The following MDGA2 variants were observed in gnomAD, a reference collection of about 807,000 sequenced individuals.
The protein encoded by MDGA2 is MAM domain-containing glycosylphosphatidylinositol anchor protein 2.
Under a neutral mutation model 117.8 loss-of-function variants are expected in MDGA2, and 40 were observed. The observed-to-expected ratio is 0.34, with a 90% CI of 0.26 to 0.44. The LOEUF (loss-of-function observed/expected upper bound fraction) is 0.44, where lower values mean the gene tolerates loss of function less well. MDGA2 is among the 20% of genes least tolerant of loss of function. The pLI is 1.00. For missense variants in MDGA2, 1,123 were observed against 1,250.6 expected (o/e 0.90, Z 1.54); for synonymous variants, 452 against 439.0 (o/e 1.03, Z -0.37).
chr14:46,915,382 C>A (rs1883860390), intron 10 of MDGA2, among the ~76,000 whole-genome samples: 1 of 152,092 alleles, frequency 6.6e-6, no homozygotes, highest in Non-Finnish European at 1.5e-5. Flanking sequence ...AATACCCTGA[C>A]CTCATAATTA....
chr14:47,364,217 A>G (rs1891183550), intron 1 of MDGA2, among the ~76,000 whole-genome samples: 1 of 152,190 alleles, frequency 6.6e-6, no homozygotes, highest in South Asian at 2.1e-4. Context: ...GTATACATGT[A>G]ATGACACAAT....
At chr14:47,369,758 T>A (rs1891305386) in intron 1 of MDGA2, among the ~76,000 whole-genome samples, 2 of 152,158 alleles carry the variant, frequency 1.3e-5, no homozygotes, top group East Asian at 1.9e-4. Context: ...TAATCATTTT[T>A]AAATGATTAA....
Position 47,206,146 on chromosome 14 carries a change from T to A in MDGA2, c.595+11875A>T, listed in dbSNP as rs1885674240. Among the ~76,000 whole-genome samples the A allele has an allele frequency of 1.3e-5, 2 of 152,048 alleles. 1 individual carries two copies. Among genetic ancestry groups the A allele is most frequent in the Non-Finnish European group, 2.9e-5 (2 of 67,950 alleles). On this transcript the variant is annotated intron_variant, in intron 3 of 16. Coordinates refer to ENST00000399232, the MANE Select transcript of MDGA2 (RefSeq NM_001113498.3). ...CCCCTCAGAGAACTGCCATTAAGATTATTAGTTACTTGCTCTCTTTTTCAT... is the reference window on the plus strand; with the variant it reads ...CCCCTCAGAGAACTGCCATTAAGATAATTAGTTACTTGCTCTCTTTTTCAT...
chr14:46,997,574 A>G (rs1368737356), intron 8 of MDGA2, among the ~76,000 whole-genome samples: 1 of 152,116 alleles, frequency 6.6e-6, no homozygotes, highest in Non-Finnish European at 1.5e-5. Flanking sequence ...GAGCTAGCTA[A>G]GAAACCCACT....
In MDGA2 at chr14:47,280,246, A is replaced by G. The variant is rs377459804; in HGVS notation, c.420+21165T>C. ...GGAGAATCACTTGCACCCGGGAGGC[A>G]GAGGTTGCGGTGCGCCGAGATCGCA... On this transcript the variant is annotated intron_variant, in intron 2 of 16. Coordinates refer to ENST00000399232, the MANE Select transcript of MDGA2 (RefSeq NM_001113498.3). Among the ~76,000 whole-genome samples, 329 of 135,932 alleles carry G rather than the reference A, an allele frequency of 2.4e-3. 2 individuals carry two copies. Among genetic ancestry groups the G allele is most frequent in the African/African-American group, 8.3e-3 (305 of 36,542 alleles). 89.2% of individuals were successfully genotyped at this position (135,932 alleles called of 152,430 possible). A position where few individuals can be genotyped will look rare whatever the true frequency, so the allele number is the denominator to read the frequency against.
At chr14:47,073,417 A>G (rs1890366248) in intron 6 of MDGA2, among the ~76,000 whole-genome samples, 1 of 152,170 alleles carries the variant, frequency 6.6e-6, no homozygotes, top group Admixed American at 6.5e-5. Flanking sequence ...AAATGGTAGT[A>G]ATTATGAAGC....
At chr14:46,901,621 A>C (rs2138448273) in intron 10 of MDGA2, among the ~76,000 whole-genome samples, 1 of 152,372 alleles carries the variant, frequency 6.6e-6, no homozygotes, top group African/African-American at 2.4e-5. Context: ...GCAGAAAATA[A>C]AATGAGAAAA....
intron 3 of MDGA2, among the ~76,000 whole-genome samples, chr14:47,190,019 T>C (rs1260858289): frequency 6.6e-6 from 1 of 152,208 alleles, no homozygotes; most frequent in Non-Finnish European, 1.5e-5. Flanking sequence ...TCTGTCATTT[T>C]AGCTGTAGGG....
chr14:47,450,838 A>T (rs1422304656), intron 1 of MDGA2, among the ~76,000 whole-genome samples: 1 of 152,158 alleles, frequency 6.6e-6, no homozygotes, highest in Non-Finnish European at 1.5e-5. Context: ...AAGGTTAATG[A>T]ATAGAGAACT....
chr14:47,373,447 T>A (rs1891409707), intron 1 of MDGA2, among the ~76,000 whole-genome samples: 1 of 152,092 alleles, frequency 6.6e-6, no homozygotes, highest in Non-Finnish European at 1.5e-5. Flanking sequence ...ATGTGGCATA[T>A]CCATATAATG....
chr14:47,224,355 A>G (rs1286222209), intron 2 of MDGA2, among the ~76,000 whole-genome samples: 2 of 132,680 alleles, frequency 1.5e-5, no homozygotes, highest in Non-Finnish European at 3.4e-5. Flanking sequence ...TTGCTTTTAC[A>G]TAGCCTTAAA....
intron 1 of MDGA2, among the ~76,000 whole-genome samples, chr14:47,424,689 CTAGAGAGTCTT>C (rs1166453095): frequency 6.6e-6 from 1 of 152,104 alleles, no homozygotes; most frequent in Non-Finnish European, 1.5e-5. Flanking sequence ...CAGAGTGGAG[CTAGAGAGTCTT>C]ACACAGGAGC....
intron 11 of MDGA2, among the ~76,000 whole-genome samples, chr14:46,877,730 A>T (rs1388666961): frequency 6.6e-6 from 1 of 151,822 alleles, no homozygotes; most frequent in Non-Finnish European, 1.5e-5. Context: ...TCAAATTACC[A>T]AAAAGACCAA....
chr14:46,928,156 C>A (rs1233108713), intron 9 of MDGA2, among the ~76,000 whole-genome samples: 1 of 152,028 alleles, frequency 6.6e-6, no homozygotes, highest in Non-Finnish European at 1.5e-5. Flanking sequence ...TTAAAACATT[C>A]TGTATCAAGT....
chr14:47,411,018 A>C lies in MDGA2; in HGVS notation c.281-109468T>G, dbSNP rs547494116. ...TTCTAGGGCTTGAAAGTTCACCATA[A>C]TGTGTTTGGCAGGCCACTGGCTTAG... On this transcript the variant is annotated intron_variant, in intron 1 of 16. Coordinates refer to ENST00000399232, the MANE Select transcript of MDGA2 (RefSeq NM_001113498.3). Among the ~76,000 whole-genome samples, 16 of 152,232 alleles carry C rather than the reference A, an allele frequency of 1.1e-4. No homozygotes were observed. The East Asian group carries it at 2.9e-3, about 28-fold the overall frequency.
chr14:46,882,718 A>G (rs958043555), intron 10 of MDGA2, among the ~76,000 whole-genome samples: 1 of 151,990 alleles, frequency 6.6e-6, no homozygotes, highest in Non-Finnish European at 1.5e-5. Context: ...GTATAATATA[A>G]AATTTCAGTT....
intron 1 of MDGA2, among the ~76,000 whole-genome samples, chr14:47,340,469 A>T (rs1451685750): frequency 6.6e-6 from 1 of 152,176 alleles, no homozygotes; most frequent in Non-Finnish European, 1.5e-5. Flanking sequence ...GAATACATCA[A>T]TAACGAGTGC....
At chr14:47,142,007 A>G (rs903344666) in intron 4 of MDGA2, among the ~76,000 whole-genome samples, 1 of 152,238 alleles carries the variant, frequency 6.6e-6, no homozygotes, top group Non-Finnish European at 1.5e-5. Flanking sequence ...ATTACAATGT[A>G]TCAATTTTTT....
intron 11 of MDGA2, among the ~76,000 whole-genome samples, chr14:46,880,830 A>T (rs1214655469): frequency 6.7e-6 from 1 of 149,730 alleles, no homozygotes; most frequent in Non-Finnish European, 1.5e-5. Flanking sequence ...AAAAAAAGAA[A>T]GAATAAATAT....
Sources: allele counts gnomAD v4.1 joint callset (sites outside exome capture counted in the v4.1 genomes callset), GRCh38; gene constraint gnomAD v4.1.1; transcripts MANE v1.5; gene names NCBI Gene and HGNC (gene_info 2026-07-23, HGNC 2026-07-21).